The following ANXA8 variants were observed in gnomAD, a reference collection of about 807,000 sequenced individuals.
ANXA8 encodes the protein VAC-beta.
A neutral mutation model predicts 26.8 loss-of-function variants in ANXA8; 9 were observed. That is an observed-to-expected ratio of 0.34 (90% CI 0.20 to 0.59). The LOEUF is 0.59. Ranked by LOEUF, ANXA8 falls within the 20% of genes least tolerant of loss-of-function variation. ANXA8 has a pLI of 0.84. For synonymous variants in ANXA8, 39 were observed against 94.8 expected, an observed-to-expected ratio of 0.41 and a Z score of 3.42; for missense variants, 83 against 238.5, an observed-to-expected ratio of 0.35 and a Z score of 4.29.
the ANXA8 span, among the ~76,000 whole-genome samples, chr10:47,705,931 G>T: frequency 6.7e-6 from 1 of 150,334 alleles, no homozygotes; most frequent in African/African-American, 2.4e-5. Flanking sequence ...CGCGTATTTC[G>T]GGGGGCGGAG....
chr10:47,501,804 C>T, the ANXA8 span: 1 of 481,742 alleles, frequency 2.1e-6, no homozygotes, highest in Non-Finnish European at 3.6e-6. Flanking sequence ...TATTTTCACA[C>T]ATTTTATCTA....
chr10:47,955,142 A>G, the ANXA8 span, among the ~76,000 whole-genome samples: 1 of 149,272 alleles, frequency 6.7e-6, no homozygotes, highest in African/African-American at 2.5e-5. Context: ...ATGGTATTAT[A>G]AGGGGGAGTT....
chr10:47,667,681 T>C, the ANXA8 span, among the ~76,000 whole-genome samples: 1 of 151,806 alleles, frequency 6.6e-6, no homozygotes, highest in African/African-American at 2.4e-5. Context: ...GCCTACCCAG[T>C]AGCTGGAATT....
the ANXA8 span, among the ~76,000 whole-genome samples, chr10:47,777,060 G>A: frequency 6.6e-6 from 1 of 151,996 alleles, no homozygotes; most frequent in Non-Finnish European, 1.5e-5. Flanking sequence ...TAGCTTCTAG[G>A]AAGTGAGGAA....
upstream of ANXA8, among the ~76,000 whole-genome samples, chr10:47,486,215 C>T (rs1244046628): frequency 2.0e-4 from 30 of 151,328 alleles, no homozygotes; most frequent in African/African-American, 4.4e-4. Context: ...CTGATCTCTG[C>T]GAGAACAGGA....
chr10:47,946,454 G>T, the ANXA8 span, among the ~76,000 whole-genome samples: 18 of 150,532 alleles, frequency 1.2e-4, 1 homozygote, highest in African/African-American at 4.4e-4. Flanking sequence ...CAACATCAAG[G>T]CCAGAGCCTG....
chr10:47,588,400 C>T, the ANXA8 span, among the ~76,000 whole-genome samples: 4 of 130,216 alleles, frequency 3.1e-5, no homozygotes, highest in South Asian at 2.4e-4. Context: ...TGAGATTCCC[C>T]GGGGAGAACT....
At chr10:47,598,818 A>T in the ANXA8 span, among the ~76,000 whole-genome samples, 2 of 151,434 alleles carry the variant, frequency 1.3e-5, no homozygotes. Flanking sequence ...AATATGTTCA[A>T]TAGAAGCCCA....
the ANXA8 span, among the ~76,000 whole-genome samples, chr10:47,904,036 TA>T: frequency 4.5e-4 from 18 of 39,802 alleles, no homozygotes; most frequent in East Asian, 1.0e-3. Flanking sequence ...ATTTTATTAT[TA>T]TTTTTTTTGA....
the ANXA8 span, among the ~76,000 whole-genome samples, chr10:47,715,077 T>C: frequency 0.047 from 6 of 128 alleles, no homozygotes; most frequent in Middle Eastern, 0.5. Flanking sequence ...GAGAATTTTC[T>C]TTACAGAAAG....
chr10:47,476,642 G>A (rs1839551681), intron 4 of ANXA8, among the ~76,000 whole-genome samples: 3 of 65,520 alleles, frequency 4.6e-5, no homozygotes, highest in African/African-American at 1.1e-4. Context: ...ATTAGGGAGC[G>A]TGGGTGTAAA....
the ANXA8 span, among the ~76,000 whole-genome samples, chr10:47,646,527 T>G: frequency 6.6e-6 from 1 of 151,102 alleles, no homozygotes; most frequent in Non-Finnish European, 1.5e-5. Flanking sequence ...TATTTGTCTA[T>G]GGCTACTTTT....
At chr10:47,988,937 C>A in the ANXA8 span, among the ~76,000 whole-genome samples, 1 of 151,804 alleles carries the variant, frequency 6.6e-6, no homozygotes, top group African/African-American at 2.4e-5. Context: ...CACACGATAT[C>A]CCTTGCTTGT....
the ANXA8 span, among the ~76,000 whole-genome samples, chr10:47,519,460 T>C: frequency 9.3e-6 from 1 of 107,892 alleles, no homozygotes; most frequent in Non-Finnish European, 1.8e-5. Context: ...AGAGTGAGAC[T>C]CCATTTCAAA....
At chr10:47,487,003 C>A (rs1457451499), upstream of ANXA8, among the ~76,000 whole-genome samples, 8 of 125,474 alleles carry the variant, frequency 6.4e-5, no homozygotes, top group African/African-American at 1.7e-4. Context: ...AACAAAAAAA[C>A]AAAGTAGCTA....
the ANXA8 span, chr10:47,503,018 G>A: frequency 6.2e-7 from 1 of 1,606,632 alleles, no homozygotes; most frequent in Non-Finnish European, 8.5e-7. Context: ...GAGTCACCCA[G>A]CCCGGTGTCC....
the ANXA8 span, among the ~76,000 whole-genome samples, chr10:47,624,216 C>G: frequency 1.2e-5 from 1 of 80,178 alleles, no homozygotes; most frequent in African/African-American, 5.3e-5. Context: ...CCACTCCAGC[C>G]TGGGAGACAG....
upstream of ANXA8, among the ~76,000 whole-genome samples, chr10:47,486,490 C>T (rs1205041698): frequency 1.3e-4 from 18 of 138,390 alleles, no homozygotes; most frequent in African/African-American, 4.2e-4. Context: ...CTTAGCATGA[C>T]AGAGAAGCAT....
chr10:47,528,446 T>C, the ANXA8 span, among the ~76,000 whole-genome samples: 4 of 133,592 alleles, frequency 3.0e-5, no homozygotes, highest in African/African-American at 8.2e-5. Flanking sequence ...CTACACTTCT[T>C]GATACAACTA....
Sources: gnomAD v4.1 joint callset for allele counts (sites outside exome capture counted in the v4.1 genomes callset) on GRCh38, gnomAD v4.1.1 for gene constraint, MANE v1.5 for transcripts, NCBI Gene and HGNC (gene_info 2026-07-23, HGNC 2026-07-21) for gene names.